AKAP13: variants seen among roughly 807,000 people sequenced by gnomAD.
The protein encoded by AKAP13 is A-kinase anchor protein 13.
A neutral mutation model predicts 264.5 loss-of-function variants in AKAP13; 80 were observed. That is an observed-to-expected ratio of 0.30 (90% CI 0.25 to 0.36). The LOEUF (loss-of-function observed/expected upper bound fraction) is 0.36. Ranked by LOEUF, AKAP13 falls within the 10% of genes least tolerant of loss-of-function variation. AKAP13 has a pLI of 1.00. For missense variants in AKAP13, 3,712 were observed against 3,435.2 expected, an observed-to-expected ratio of 1.08 and a Z score of -2.01; for synonymous variants, 1,380 against 1,250.2, an observed-to-expected ratio of 1.10 and a Z score of -2.19.
In AKAP13 at chr15:85,580,993, C is replaced by G; in HGVS notation, c.2925C>G (p.Asp975Glu). 3.1e-6 allele frequency: 5 copies of G among 1,613,946 alleles called. No individual in the cohort carries two copies. The highest frequency in any genetic ancestry group is 1.7e-4 in the Middle Eastern group (1 of 6,060). The stretch of plus-strand genomic sequence containing the variant: ...CAATCTCAGCTGACTGTGCCAAGGA[C>G]AAAGCACTTCAGCTAAGTAATTCAC... ...EKSISADCAK[D>E]KALQLSNSPG... The change falls in exon 7 of 37, where the codon GAC (aspartate) becomes GAG (glutamate). Residue 975 changes from aspartate to glutamate, a missense_variant. This residue lies in a region of AKAP13 where 2,759 missense variants were observed against 2,411.7 expected (regional missense o/e 1.14). Transcript: ENST00000394518.
chr15:85,594,617 G>C (rs1296986112), intron 8 of AKAP13, among the ~76,000 whole-genome samples: 1 of 152,182 alleles, frequency 6.6e-6, no homozygotes, highest in African/African-American at 2.4e-5. Context: ...TGTATTGCTT[G>C]TAGTTCTAAG....
At chr15:85,413,096 G>A (rs145141149) in intron 1 of AKAP13, among the ~76,000 whole-genome samples, 3 of 152,308 alleles carry the variant, frequency 2.0e-5, no homozygotes, top group Middle Eastern at 6.8e-3. Context: ...TTTGTAAGTC[G>A]GCACTGTGTC....
At chr15:85,474,997 A>T (rs557513673) in intron 1 of AKAP13, among the ~76,000 whole-genome samples, 2 of 152,272 alleles carry the variant, frequency 1.3e-5, no homozygotes, top group Non-Finnish European at 2.9e-5. Flanking sequence ...AGGTAAGGTC[A>T]TCCAGCTCAG....
chr15:85,714,777 G>A (rs2086826934), intron 19 of AKAP13, among the ~76,000 whole-genome samples: 1 of 152,102 alleles, frequency 6.6e-6, no homozygotes, highest in African/African-American at 2.4e-5. Context: ...GACCAGTCTG[G>A]CCAACGTAGT....
chr15:85,516,322 A>C (rs1223857544), intron 2 of AKAP13, among the ~76,000 whole-genome samples: 2 of 152,226 alleles, frequency 1.3e-5, no homozygotes, highest in Non-Finnish European at 2.9e-5. Flanking sequence ...TTATGGCATA[A>C]GGAAGTTAAA....
intron 1 of AKAP13, among the ~76,000 whole-genome samples, chr15:85,439,043 G>T (rs2073480920): frequency 6.7e-6 from 1 of 149,450 alleles, no homozygotes; most frequent in Non-Finnish European, 1.5e-5. Context: ...CCTACAAAAT[G>T]GGAGAAAATT....
intron 35 of AKAP13, 151 bp from the exon 36 acceptor site, chr15:85,743,341 A>G (rs1040311442): frequency 5.5e-6 from 4 of 731,972 alleles, no homozygotes; most frequent in Admixed American, 2.9e-5. Flanking sequence ...TTCAAGCTCT[A>G]TGCAGTCCAC....
intron 1 of AKAP13, among the ~76,000 whole-genome samples, chr15:85,464,552 T>C (rs896282661): frequency 3.3e-5 from 5 of 152,228 alleles, no homozygotes; most frequent in Non-Finnish European, 7.4e-5. Context: ...CTCTCTAGTT[T>C]TTGTATAATT....
intron 14 of AKAP13, among the ~76,000 whole-genome samples, chr15:85,678,895 A>G (rs536931541): frequency 2.7e-4 from 41 of 150,512 alleles, no homozygotes; most frequent in Admixed American, 6.7e-4. Flanking sequence ...AAAAAAAAAA[A>G]TCAAAGTATT....
chr15:85,655,505 G>A lies in AKAP13; in HGVS notation c.4463G>A (p.Gly1488Asp), dbSNP rs1347768181. The A allele has an allele frequency of 6.2e-7, 1 of 1,614,212 alleles. No individual in the cohort carries two copies. Among genetic ancestry groups the A allele is most frequent in the East Asian group, 2.2e-5 (1 of 44,888 alleles). The change falls in exon 11 of 37, where the codon GGC (glycine) becomes GAC (aspartate). Residue 1488 changes from glycine to aspartate, a missense_variant. Physicochemically the swap from Gly to Asp is moderately conservative, Grantham distance 94 (BLOSUM62 -1). Coordinates refer to ENST00000394518, the MANE Select transcript of AKAP13 (RefSeq NM_007200.5). ...TCACTGGACCGACATTCTTCTCATG[G>A]CAGTGATGTGTCTCTCTCCCAGATT... ...TASLDRHSSH[G>D]SDVSLSQILK... is the part of the protein sequence containing the mutation.
Position 85,581,378 on chromosome 15 carries a change from A to G in AKAP13, c.3310A>G (p.Arg1104Gly), listed in dbSNP as rs772889442. The G allele has an allele frequency of 3.1e-6, 5 of 1,614,254 alleles. No individual in the cohort carries two copies. In the Admixed American group the frequency reaches 6.7e-5, roughly 22 times the overall value. ...VNALQGMAEP[R>G]RENISHNTQD... ...TGCTCTACAAGGTATGGCTGAGCCC[A>G]GAAGAGAGAATATATCACACAACAC... Residue 1104 changes from arginine to glycine, a missense_variant, in exon 7 of 37, where the codon AGA becomes GGA. By Grantham distance (125) the Arg-to-Gly change is moderately radical (BLOSUM62 -2). Around this residue, in one of 3 missense-constraint regions of AKAP13, gnomAD observed 2,759 missense variants for 2,411.7 expected, o/e 1.14. Transcript: ENST00000394518.
At chr15:85,636,521 G>T (rs1227972159) in intron 8 of AKAP13, among the ~76,000 whole-genome samples, 2 of 152,026 alleles carry the variant, frequency 1.3e-5, no homozygotes, top group African/African-American at 4.8e-5. Context: ...TTAACCGTAG[G>T]TTTTTTATAG....
At chr15:85,659,392 T>C (rs934308737) in intron 12 of AKAP13, among the ~76,000 whole-genome samples, 1 of 152,202 alleles carries the variant, frequency 6.6e-6, no homozygotes, top group South Asian at 2.1e-4. Flanking sequence ...AACCTGTTTG[T>C]TGGCAAGTGG....
chr15:85,729,027 T>G (rs181800754), intron 29 of AKAP13, among the ~76,000 whole-genome samples: 133 of 152,068 alleles, frequency 8.7e-4, no homozygotes, highest in Non-Finnish European at 1.4e-3. Context: ...TTGGCCAGGC[T>G]CGGTGGCTCA....
chr15:85,687,856 T>C (rs757786100), intron 16 of AKAP13, among the ~76,000 whole-genome samples: 2 of 151,960 alleles, frequency 1.3e-5, no homozygotes, highest in Non-Finnish European at 2.9e-5. Flanking sequence ...CTGGGCAGTA[T>C]AGTGAGACCT....
intron 2 of AKAP13, among the ~76,000 whole-genome samples, chr15:85,504,646 C>T (rs886147724): frequency 1.4e-5 from 2 of 145,752 alleles, no homozygotes; most frequent in East Asian, 2.0e-4. Flanking sequence ...GAGCCATGGT[C>T]GCACCACTGT....
At chr15:85,578,593 C>G (rs936464866) in intron 6 of AKAP13, among the ~76,000 whole-genome samples, 2 of 152,132 alleles carry the variant, frequency 1.3e-5, no homozygotes, top group African/African-American at 4.8e-5. Context: ...ATCTGCCTGC[C>G]TCAGCCTCCC....
chr15:85,527,090 G>A (rs909529208), intron 3 of AKAP13, among the ~76,000 whole-genome samples: 1 of 151,976 alleles, frequency 6.6e-6, no homozygotes, highest in African/African-American at 2.4e-5. Flanking sequence ...GAGTTCCCGA[G>A]TAGCTGGGAC....
At chr15:85,436,820 G>T (rs949612206) in intron 1 of AKAP13, among the ~76,000 whole-genome samples, 1 of 152,024 alleles carries the variant, frequency 6.6e-6, no homozygotes, top group Admixed American at 6.6e-5. Context: ...TCAAAGCAGT[G>T]TGTAGAGGGA....
Sources: gnomAD v4.1 joint callset for allele counts (sites outside exome capture counted in the v4.1 genomes callset) on GRCh38, gnomAD v4.1.1 for gene constraint, gnomAD v4.1.1 regional missense constraint, MANE v1.5 for transcripts, NCBI Gene and HGNC (gene_info 2026-07-23, HGNC 2026-07-21) for gene names.